PCNT: variants seen among roughly 807,000 people sequenced by gnomAD.
PCNT encodes the protein kendrin.
Under a neutral mutation model 380.4 loss-of-function variants are expected in PCNT, and 319 were observed. The observed-to-expected ratio is 0.84, with a 90% CI of 0.77 to 0.92. PCNT has a LOEUF of 0.92. Among genes scored for constraint, PCNT ranks in the 40% least tolerant of loss-of-function variants. PCNT has a pLI of 0.00. For synonymous variants in PCNT, 1,845 were observed against 1,735.2 expected (o/e 1.06, Z -1.57); for missense variants, 4,400 against 4,255.3 (o/e 1.03, Z -0.95).
At chr21:46,325,767 C>T (rs888302923) in intron 1 of PCNT, among the ~76,000 whole-genome samples, 3 of 152,134 alleles carry the variant, frequency 2.0e-5, no homozygotes, top group Non-Finnish European at 4.4e-5. Flanking sequence ...CTCAAACTCT[C>T]GGATTTGAGG....
chr21:46,445,173 T>A, intron 46 of PCNT, 111 bp from the exon 47 acceptor site: 2 of 816,294 alleles, frequency 2.5e-6, no homozygotes, highest in South Asian at 2.7e-5. Context: ...TTCATATTTT[T>A]ACCAAAATTT....
intron 24 of PCNT, among the ~76,000 whole-genome samples, chr21:46,398,559 C>T (rs982762146): frequency 6.6e-6 from 1 of 152,254 alleles, no homozygotes; most frequent in Non-Finnish European, 1.5e-5. Flanking sequence ...GATCTGGTGA[C>T]GCTGCAGTGC....
chr21:46,398,686 G>A (rs868713014), intron 24 of PCNT, among the ~76,000 whole-genome samples: 1 of 152,242 alleles, frequency 6.6e-6, no homozygotes, highest in African/African-American at 2.4e-5. Flanking sequence ...GATGGGTGAA[G>A]CGTGCCTGTC....
chr21:46,440,286 C>A, intron 42 of PCNT, 84 bp downstream of exon 42: 2 of 1,467,408 alleles, frequency 1.4e-6, no homozygotes, highest in South Asian at 1.1e-5. Flanking sequence ...TTTTTGTGAC[C>A]ACAAGGTTCT....
In PCNT at chr21:46,379,044, G is replaced by A. The variant is rs556496153; in HGVS notation, c.3166-2650G>A. 1.8e-4 allele frequency among the ~76,000 whole-genome samples: 27 copies of A among 152,298 alleles called. No homozygotes were observed. In the South Asian group the frequency reaches 3.9e-3, roughly 22 times the overall value. ...GGTCTGGTGCCTTATGTTTCAGCCC[G>A]AAGGACTTCCTCTGGGATTTCTTGA... is the stretch of plus-strand genomic sequence containing the variant. On this transcript the variant is annotated intron_variant, in intron 15 of 46. Transcript: ENST00000359568.
chr21:46,359,364 T>A lies in PCNT; in HGVS notation c.2154+2173T>A, dbSNP rs994252129. Among the ~76,000 whole-genome samples, 7 of 145,946 alleles carry A rather than the reference T, an allele frequency of 4.8e-5. 1 individual carries two copies. In the Admixed American group the frequency reaches 4.8e-4, roughly 10 times the overall value. On this transcript the variant is annotated intron_variant, in intron 13 of 46. Coordinates refer to ENST00000359568, the MANE Select transcript of PCNT (RefSeq NM_006031.6). Reference sequence around the variant, plus strand: ...GGATTTCTCTCTTGTTAATTTTAATTCTTGTTTTGAGTATGTGGAAGCTCT... The same window carrying A: ...GGATTTCTCTCTTGTTAATTTTAATACTTGTTTTGAGTATGTGGAAGCTCT...
At chr21:46,325,232 G>T (rs994295115) in intron 1 of PCNT, 1 of 980,174 alleles carries the variant, frequency 1.0e-6, no homozygotes, top group Non-Finnish European at 1.2e-6. Flanking sequence ...TCCCCCCCAG[G>T]ATGTTCTGGC....
At chr21:46,394,198 G>T (rs893053921) in intron 21 of PCNT, among the ~76,000 whole-genome samples, 2 of 152,242 alleles carry the variant, frequency 1.3e-5, no homozygotes, top group Non-Finnish European at 2.9e-5. Context: ...CGTGAACCCG[G>T]CCCTGGTGTG....
chr21:46,360,343 C>G (rs933606099), intron 13 of PCNT, among the ~76,000 whole-genome samples: 1 of 150,274 alleles, frequency 6.7e-6, no homozygotes, highest in Non-Finnish European at 1.5e-5. Flanking sequence ...CTGGCTCAGC[C>G]TCTCCGAGTA....
At chr21:46,418,717 G>GCCTGCCCACCCTGCCTTT (rs2087127203) in intron 31 of PCNT, among the ~76,000 whole-genome samples, 1 of 152,260 alleles carries the variant, frequency 6.6e-6, no homozygotes, top group Non-Finnish European at 1.5e-5. Context: ...CTGCTGCCTT[G>GCCTGCCCACCCTGCCTTT]CCTGCCCACC....
chr21:46,326,985 A>C (rs2083414980), intron 2 of PCNT, among the ~76,000 whole-genome samples: 1 of 150,992 alleles, frequency 6.6e-6, no homozygotes, highest in Non-Finnish European at 1.5e-5. Context: ...TGCACTCCAG[A>C]CTGGGTGACA....
intron 8 of PCNT, among the ~76,000 whole-genome samples, chr21:46,350,163 C>T (rs982313530): frequency 2.6e-5 from 4 of 151,820 alleles, no homozygotes; most frequent in East Asian, 1.9e-4. Context: ...TGGGCAACAG[C>T]GAGCCTCCGT....
Position 46,367,147 on chromosome 21 carries a change from G to A in PCNT, c.3165+8G>A, listed in dbSNP as rs764267935. 3.7e-6 allele frequency: 6 copies of A among 1,610,082 alleles called. No individual in the cohort carries two copies. The South Asian group carries it at 4.4e-5, about 12-fold the overall frequency. Reference sequence around the variant, plus strand: ...CTGCAGGGAGTGCACCAGGTAAGGCGCCAGGGCCCTGCCCCAGCCCAGGGC... The same window carrying A: ...CTGCAGGGAGTGCACCAGGTAAGGCACCAGGGCCCTGCCCCAGCCCAGGGC... On this transcript the variant is annotated splice_region_variant and intron_variant, in intron 15 of 46. Coordinates refer to ENST00000359568, the MANE Select transcript of PCNT (RefSeq NM_006031.6).
intron 13 of PCNT, among the ~76,000 whole-genome samples, chr21:46,357,778 T>C (rs773997406): frequency 8.5e-5 from 13 of 152,196 alleles, no homozygotes; most frequent in Admixed American, 2.6e-4. Flanking sequence ...CTAAGAGGGC[T>C]CTGGGAGGAG....
intron 3 of PCNT, among the ~76,000 whole-genome samples, chr21:46,343,747 C>T (rs2083979338): frequency 6.6e-6 from 1 of 152,160 alleles, no homozygotes; most frequent in Non-Finnish European, 1.5e-5. Context: ...TCCCTCTGGT[C>T]CTGGACAATT....
At chr21:46,426,092 T>C (rs2087490558) in intron 33 of PCNT, 121 bp downstream of exon 33, 26 of 1,096,936 alleles carry the variant, frequency 2.4e-5, no homozygotes, top group African/African-American at 3.7e-5. Flanking sequence ...TTTTTTTTTT[T>C]TTTTGAGACT....
intron 3 of PCNT, among the ~76,000 whole-genome samples, chr21:46,338,075 C>G (rs1210020404): frequency 6.6e-6 from 1 of 152,110 alleles, no homozygotes; most frequent in Admixed American, 6.5e-5. Context: ...GACAGGGTCT[C>G]ACTGTGTTGA....
chr21:46,398,168 CTT>C, intron 23 of PCNT, 38 bp downstream of exon 23: 1 of 1,606,638 alleles, frequency 6.2e-7, no homozygotes, highest in South Asian at 1.1e-5. Flanking sequence ...TGGTTGCTGT[CTT>C]TCACTGTGTT....
chr21:46,325,843 G>T (rs1467421885), intron 1 of PCNT, among the ~76,000 whole-genome samples: 1 of 152,194 alleles, frequency 6.6e-6, no homozygotes, highest in Non-Finnish European at 1.5e-5. Context: ...GTGCTTTGGT[G>T]AGCTGTGTCA....
Sources: allele counts gnomAD v4.1 joint callset (sites outside exome capture counted in the v4.1 genomes callset), GRCh38; gene constraint gnomAD v4.1.1; transcripts MANE v1.5; gene names NCBI Gene and HGNC (gene_info 2026-07-23, HGNC 2026-07-21).